The following UNC13C variants were observed in gnomAD, a reference collection of about 807,000 sequenced individuals.
UNC13C encodes unc-13 homolog C, also known as protein unc-13 homolog C.
A neutral mutation model predicts 245.4 loss-of-function variants in UNC13C; 174 were observed. The observed-to-expected ratio is 0.71, with a 90% CI of 0.63 to 0.80. The LOEUF (loss-of-function observed/expected upper bound fraction) is 0.80, where lower values mean the gene tolerates loss of function less well. Among genes scored for constraint, UNC13C ranks in the 30% least tolerant of loss-of-function variants. The pLI is 0.00. For synonymous variants in UNC13C, 992 were observed against 895.1 expected, an observed-to-expected ratio of 1.11 and a Z score of -1.93; for missense variants, 2,829 against 2,602.9, an observed-to-expected ratio of 1.09 and a Z score of -1.89.
At chr15:54,579,718 C>T (rs1898118648) in intron 30 of UNC13C, among the ~76,000 whole-genome samples, 1 of 152,088 alleles carries the variant, frequency 6.6e-6, no homozygotes, top group Admixed American at 6.5e-5. Flanking sequence ...GAGATCACGC[C>T]ACTGCACTCC....
intron 17 of UNC13C, among the ~76,000 whole-genome samples, chr15:54,362,472 G>A (rs890638259): frequency 6.6e-6 from 1 of 152,210 alleles, no homozygotes; most frequent in African/African-American, 2.4e-5. Context: ...TCAGGGTGGT[G>A]TTCCTGTCTT....
At chr15:54,486,658 C>T (rs1207622272) in intron 19 of UNC13C, among the ~76,000 whole-genome samples, 1 of 152,090 alleles carries the variant, frequency 6.6e-6, no homozygotes, top group African/African-American at 2.4e-5. Flanking sequence ...TACACTTAGT[C>T]AATGATTTGT....
intron 24 of UNC13C, among the ~76,000 whole-genome samples, chr15:54,517,686 AG>A (rs1300600736): frequency 6.6e-6 from 1 of 152,170 alleles, no homozygotes; most frequent in Non-Finnish European, 1.5e-5. Context: ...TTATTTGCTG[AG>A]CACTTGTTAT....
chr15:53,843,685 T>C, the UNC13C span, among the ~76,000 whole-genome samples: 6 of 152,132 alleles, frequency 3.9e-5, no homozygotes, highest in Non-Finnish European at 1.5e-5. Context: ...AGGCCATGTG[T>C]GCAGAACAAA....
chr15:53,871,649 G>T, the UNC13C span, among the ~76,000 whole-genome samples: 1 of 152,142 alleles, frequency 6.6e-6, no homozygotes, highest in African/African-American at 2.4e-5. Context: ...AGGTGAGGAG[G>T]GGGCAGCAAA....
At chr15:54,500,389 C>T (rs1894152537) in intron 21 of UNC13C, among the ~76,000 whole-genome samples, 1 of 151,256 alleles carries the variant, frequency 6.6e-6, no homozygotes, top group South Asian at 2.1e-4. Context: ...CCCATTTTTC[C>T]CAAGATTTTC....
At chr15:54,448,591 T>C (rs1375010461) in intron 19 of UNC13C, among the ~76,000 whole-genome samples, 1 of 152,196 alleles carries the variant, frequency 6.6e-6, no homozygotes, top group Admixed American at 6.5e-5. Context: ...AGACTAGGAT[T>C]GCAACCCCTG....
chr15:54,379,340 T>A (rs2039672123), intron 17 of UNC13C, among the ~76,000 whole-genome samples: 1 of 152,076 alleles, frequency 6.6e-6, no homozygotes, highest in African/African-American at 2.4e-5. Flanking sequence ...GGTCTGAAGG[T>A]GAAAGATACA....
At chr15:54,421,724 C>T (rs535205907) in intron 19 of UNC13C, among the ~76,000 whole-genome samples, 28 of 152,016 alleles carry the variant, frequency 1.8e-4, no homozygotes, top group Non-Finnish European at 3.7e-4. Context: ...TTGGCTCATC[C>T]TTATGCAAGT....
chr15:54,504,075 A>G (rs552462581), intron 22 of UNC13C, among the ~76,000 whole-genome samples: 1 of 152,208 alleles, frequency 6.6e-6, no homozygotes, highest in Non-Finnish European at 1.5e-5. Context: ...GATGAGTGAT[A>G]AAATGGGCAC....
intron 17 of UNC13C, among the ~76,000 whole-genome samples, chr15:54,358,793 G>A (rs1039015168): frequency 6.6e-6 from 1 of 151,872 alleles, no homozygotes; most frequent in Non-Finnish European, 1.5e-5. Flanking sequence ...ATCCAATTTG[G>A]ATGCCCTTTA....
chr15:54,557,576 C>G (rs188331317), intron 29 of UNC13C, among the ~76,000 whole-genome samples: 1 of 151,492 alleles, frequency 6.6e-6, no homozygotes, highest in Non-Finnish European at 1.5e-5. Flanking sequence ...AATGTCTCCC[C>G]GGAGCCCAGC....
rs374663656 is a variant in UNC13C at position 54,250,496 on chromosome 15, A to G, written c.3448+52A>G. On this transcript the variant is annotated intron_variant, in intron 8 of 32. Transcript: ENST00000260323. ...TGGTATGCAGAGCCTGCCTTATTCC[A>G]TCTGTTTCATGTTAGATCACTTCAA... 6.0e-6 allele frequency: 9 copies of G among 1,497,064 alleles called. 1 individual carries two copies. Among genetic ancestry groups the G allele is most frequent in the African/African-American group, 5.6e-5 (4 of 72,012 alleles). 92.7% of individuals were successfully genotyped at this position (1,497,064 alleles called of 1,614,324 possible).
At chr15:54,317,807 AC>A (rs2038048618) in intron 13 of UNC13C, among the ~76,000 whole-genome samples, 24 of 151,900 alleles carry the variant, frequency 1.6e-4, no homozygotes, top group African/African-American at 5.3e-4. Context: ...AACTATAGTC[AC>A]CATTCTGTAA....
At chr15:54,408,212 A>AAAAAAAAAAC (rs2040344358) in intron 18 of UNC13C, among the ~76,000 whole-genome samples, 2 of 145,042 alleles carry the variant, frequency 1.4e-5, no homozygotes, top group Non-Finnish European at 3.0e-5. Context: ...AAAAAAAAAA[A>AAAAAAAAAAC]AAAAAAAAAA....
chr15:54,487,506 C>G (rs931233740), intron 19 of UNC13C, among the ~76,000 whole-genome samples: 10 of 152,076 alleles, frequency 6.6e-5, no homozygotes, highest in Non-Finnish European at 1.5e-5. Context: ...GTGGCTCACA[C>G]CTGTAATCCC....
intron 2 of UNC13C, among the ~76,000 whole-genome samples, chr15:54,080,463 G>C (rs1278328951): frequency 2.0e-5 from 3 of 151,902 alleles, no homozygotes; most frequent in Middle Eastern, 3.4e-3. Flanking sequence ...GTTTTTTTTA[G>C]TTGGTAGATT....
intron 30 of UNC13C, among the ~76,000 whole-genome samples, chr15:54,611,953 A>G (rs186812055): frequency 3.9e-5 from 6 of 152,246 alleles, no homozygotes; most frequent in African/African-American, 1.4e-4. Flanking sequence ...TTAACTCTGA[A>G]CTGTCAAGTT....
At chr15:54,434,679 G>T (rs1199491162) in intron 19 of UNC13C, among the ~76,000 whole-genome samples, 1 of 152,056 alleles carries the variant, frequency 6.6e-6, no homozygotes, top group Non-Finnish European at 1.5e-5. Flanking sequence ...CATGAGCAAA[G>T]ACTTCATGAC....
Sources: allele counts gnomAD v4.1 joint callset (sites outside exome capture counted in the v4.1 genomes callset), GRCh38; gene constraint gnomAD v4.1.1; transcripts MANE v1.5; gene names NCBI Gene and HGNC (gene_info 2026-07-23, HGNC 2026-07-21).